RNF213: variants seen among roughly 807,000 people sequenced by gnomAD.
The protein encoded by RNF213 is E3 ubiquitin-protein ligase RNF213.
A neutral mutation model predicts 514.4 loss-of-function variants in RNF213; 341 were observed. The ratio of observed to expected loss-of-function variants is 0.66; its 90% confidence interval spans 0.61 to 0.73. RNF213 has a LOEUF of 0.73. Among genes scored for constraint, RNF213 ranks in the 30% least tolerant of loss-of-function variants. The pLI is 0.00. For synonymous variants in RNF213, 2,655 were observed against 2,658.2 expected (o/e 1.00, Z 0.04); for missense variants, 5,767 against 6,615.6 (o/e 0.87, Z 4.45).
rs1209179687 is a variant in RNF213, at chr17:80,306,352, G to A, written c.2311G>A (p.Val771Ile). 6.2e-7 allele frequency: 1 copy of A among 1,614,130 alleles called. No homozygotes were observed. Among genetic ancestry groups the A allele is most frequent in the East Asian group, 2.2e-5 (1 of 44,874 alleles). ...WFSLLPLSHL[V>I]MYMENFIEHL... is the part of the protein sequence containing the mutation. ...TAGTCTGCTACCTCTGAGTCACCTG[G>A]TTATGTATATGGAAAACTTCATTGA... Residue 771 changes from valine to isoleucine, a missense_variant, in exon 12 of 68, where the codon GTT becomes ATT. Val to Ile is a conservative substitution (Grantham distance 29). Transcript: ENST00000582970.
rs753695705 is a variant in RNF213, at chr17:80,346,389, T to C, written c.8054T>C (p.Leu2685Ser). The change falls in exon 29 of 68, where the codon TTG becomes TCG. Residue 2685 changes from leucine to serine, a missense_variant. Around this residue, in one of 13 missense-constraint regions of RNF213, gnomAD observed 1,377 missense variants for 1,635.2 expected, o/e 0.84. Transcript: ENST00000582970. This position sits in a 1 kb window ranked among gnomAD's most constrained non-coding sequence, Gnocchi z 8.1. ...GAGAGAGATCCCGTCCTCTGGTCGTTGATGCTGGCCATCGGGGTGTGTTAC... is the reference window on the plus strand; with the variant it reads ...GAGAGAGATCCCGTCCTCTGGTCGTCGATGCTGGCCATCGGGGTGTGTTAC... ...HTERDPVLWS[L>S]MLAIGVCYHA... is the part of the protein sequence containing the mutation. 14 of 1,613,218 alleles carry C rather than the reference T, an allele frequency of 8.7e-6. No homozygotes were observed. Among genetic ancestry groups the C allele is most frequent in the Non-Finnish European group, 1.2e-5 (14 of 1,179,998 alleles).
rs2144229112 is a variant in RNF213 at position 80,353,462 on chromosome 17, C to T, written c.10424-50C>T. The T allele has an allele frequency of 6.4e-7, 1 of 1,565,048 alleles. No individual in the cohort carries two copies. The highest frequency in any genetic ancestry group is 1.4e-5 in the African/African-American group (1 of 73,938). On this transcript the variant is annotated intron_variant, in intron 33 of 67. Coordinates refer to ENST00000582970, the MANE Select transcript of RNF213 (RefSeq NM_001256071.3). The surrounding 1 kb of genome is among the most constrained non-coding windows in gnomAD (Gnocchi z 5.0). ...CTCCCAGATGGCACCGCTGCCAGTC[C>T]CTGTGCCACCTTCTGAGTGGTAACG... is the stretch of plus-strand genomic sequence containing the variant.
Position 80,331,390 on chromosome 17 carries a change from CTTTTTTT to C in RNF213, c.3518-606_3518-600del, listed in dbSNP as rs35912728. ...TCCTCCTGTCCTTGTCAGTTTATGA[CTTTTTTT>C]TTTTTTTTTGATATGGAGTCTCACT... On this transcript the variant is annotated intron_variant, in intron 20 of 67. Transcript: ENST00000582970. 3.4e-4 allele frequency among the ~76,000 whole-genome samples: 47 copies of C among 136,344 alleles called. No homozygotes were observed. In the East Asian group the frequency reaches 6.2e-3, roughly 18 times the overall value. 89.4% of individuals were successfully genotyped at this position (136,344 alleles called of 152,430 possible).
chr17:80,382,958 A>G (rs1167820793), intron 57 of RNF213, 21 bp from the exon 58 acceptor site: 3 of 1,536,182 alleles, frequency 2.0e-6, no homozygotes, highest in Non-Finnish European at 9.0e-7. Context: ...GGTAACCTAC[A>G]CATTTGGAGT....
intron 48 of RNF213, 53 bp from the exon 49 acceptor site, chr17:80,372,922 A>G: frequency 6.4e-7 from 1 of 1,572,882 alleles, no homozygotes; most frequent in South Asian, 1.1e-5. Context: ...TGTGTCCTAC[A>G]ATAAATGCCC....
chr17:80,276,680 G>A (rs1398135070), intron 3 of RNF213, among the ~76,000 whole-genome samples: 1 of 152,016 alleles, frequency 6.6e-6, no homozygotes, highest in African/African-American at 2.4e-5. Flanking sequence ...AATTGGAAGT[G>A]TTGTACAGTG....
At chr17:80,388,861 G>A in intron 64 of RNF213, 172 bp downstream of exon 64, 1 of 675,468 alleles carries the variant, frequency 1.5e-6, no homozygotes, top group Non-Finnish European at 2.7e-6. Context: ...TTTTCTTGTA[G>A]AGTAAAAGCA....
At position 80,347,203 on chromosome 17, in the gene RNF213, C is replaced by T. The variant is rs776039765; in HGVS notation, c.8868C>T (p.Tyr2956=). 1.5e-5 allele frequency: 24 copies of T among 1,613,530 alleles called. No individual in the cohort carries two copies. The highest frequency in any genetic ancestry group is 1.9e-5 in the Non-Finnish European group (22 of 1,179,900). ...AGGAATTCTTCGGGCTTCGTGACTACTACAGCCTCATCAAAATGGTCTTTG... is the reference window on the plus strand; with the variant it reads ...AGGAATTCTTCGGGCTTCGTGACTATTACAGCCTCATCAAAATGGTCTTTG... ...QDKEFFGLRD[Y]YSLIKMVFAA... Residue 2956 remains tyrosine, a synonymous_variant, in exon 29 of 68, where the codon TAC becomes TAT. Transcript: ENST00000582970. This position sits in a 1 kb window ranked among gnomAD's most constrained non-coding sequence, Gnocchi z 7.2.
intron 54 of RNF213, 63 bp from the exon 55 acceptor site, chr17:80,379,557 T>C (rs765587374): frequency 1.1e-5 from 16 of 1,417,928 alleles, no homozygotes; most frequent in South Asian, 2.3e-5. Context: ...ATTTGCATGA[T>C]GGCATTTGTG....
Position 80,347,435 on chromosome 17 carries a change from C to T in RNF213, c.9100C>T (p.Gln3034Ter). 3 of 1,614,026 alleles carry T rather than the reference C, an allele frequency of 1.9e-6. No homozygotes were observed. The South Asian group carries it at 3.3e-5, about 18-fold the overall frequency. Reference sequence around the variant, plus strand: ...TTCTCAGAAGGTGCCGGGTGGAGAGCAGGAAGATGCTGAGTCCCGCTACTT... The same window carrying T: ...TTCTCAGAAGGTGCCGGGTGGAGAGTAGGAAGATGCTGAGTCCCGCTACTT... ...GPSQKVPGGEQEDAESRYLLV... is the reference protein window; with the variant it reads ...GPSQKVPGGE Residue 3034 changes from glutamine (Q) to a stop codon, truncating the protein, a stop_gained, in exon 29 of 68, where the codon CAG becomes TAG. Coordinates refer to ENST00000582970, the MANE Select transcript of RNF213 (RefSeq NM_001256071.3). LOFTEE classifies it high-confidence loss of function. This position sits in a 1 kb window ranked among gnomAD's most constrained non-coding sequence, Gnocchi z 7.2.
rs1207744188 is a variant in RNF213 at position 80,288,399 on chromosome 17, C to T, written c.810+36C>T. ...CGGGAGAGATGGCCTGGGAGTGGCA[C>T]TGAGCCCTCGGCACCTGGGCTCTGC... On this transcript the variant is annotated intron_variant, in intron 4 of 67. Transcript: ENST00000582970. This position sits in a 1 kb window ranked among gnomAD's most constrained non-coding sequence, Gnocchi z 4.9. The T allele has an allele frequency of 6.2e-7, 1 of 1,609,244 alleles. No homozygotes were observed. Among genetic ancestry groups the T allele is most frequent in the Admixed American group, 1.7e-5 (1 of 60,004 alleles).
chr17:80,284,706 C>T (rs1375908360), intron 3 of RNF213, among the ~76,000 whole-genome samples: 10 of 148,720 alleles, frequency 6.7e-5, no homozygotes, highest in South Asian at 4.4e-4. Flanking sequence ...CTCTGCCTTC[C>T]GGACGGCTCC....
In RNF213 at chr17:80,372,650, G is replaced by A. The variant is rs754910625; in HGVS notation, c.12667G>A (p.Val4223Ile). ...CCGAGAGCCTGCCAACGAGGCCTCG[G>A]TTGAATACCTGCAAGAGGTGGCCCG... ...RGREPANEASVEYLQEVARIR... is the reference protein window; with the variant it reads ...RGREPANEASIEYLQEVARIR... Residue 4223 changes from valine to isoleucine, a missense_variant, in exon 48 of 68, where the codon GTT (valine) becomes ATT (isoleucine). Coordinates refer to ENST00000582970, the MANE Select transcript of RNF213 (RefSeq NM_001256071.3). 3.7e-6 allele frequency: 6 copies of A among 1,613,942 alleles called. No individual in the cohort carries two copies. Among genetic ancestry groups the A allele is most frequent in the South Asian group, 1.1e-5 (1 of 91,074 alleles).
rs748337407 is a variant in RNF213, at chr17:80,348,289, G to T, written c.9951+3G>T. On this transcript the variant is annotated splice_donor_region_variant and intron_variant, in intron 29 of 67. Coordinates refer to ENST00000582970, the MANE Select transcript of RNF213 (RefSeq NM_001256071.3). ...AGCGCCACGCCATCTTCACAGAGGT[G>T]ATTGTCTTTCTGCACTTGTACCCTA... is the stretch of plus-strand genomic sequence containing the variant. 49 of 1,611,160 alleles carry T rather than the reference G, an allele frequency of 3.0e-5. 2 individuals carry two copies. The Middle Eastern group carries it at 4.1e-3, about 134-fold the overall frequency.
At chr17:80,310,101 C>T (rs961870112) in intron 14 of RNF213, among the ~76,000 whole-genome samples, 6 of 151,944 alleles carry the variant, frequency 3.9e-5, no homozygotes, top group African/African-American at 1.5e-4. Flanking sequence ...TTTCTGCCTC[C>T]GACTTTCCCC....
In RNF213 at chr17:80,317,427, C is replaced by A; in HGVS notation, c.2901+150C>A. The A allele has an allele frequency of 1.3e-6, 1 of 759,918 alleles. No homozygotes were observed. The highest frequency in any genetic ancestry group is 2.3e-6 in the Non-Finnish European group (1 of 430,332). 47.1% of individuals were successfully genotyped at this position (759,918 alleles called of 1,614,324 possible). On this transcript the variant is annotated intron_variant, in intron 16 of 67. Transcript: ENST00000582970. The surrounding 1 kb of genome is among the most constrained non-coding windows in gnomAD (Gnocchi z 4.1). The stretch of plus-strand genomic sequence containing the variant: ...CTCCGTGTTTCTGTTTCTGATCCAG[C>A]CCTTATAGTCTGTCCCTAGAAGAGC...
At chr17:80,364,718 A>G in intron 42 of RNF213, 165 bp downstream of exon 42, 1 of 770,592 alleles carries the variant, frequency 1.3e-6, no homozygotes, top group Non-Finnish European at 2.1e-6. Context: ...TACATTTTCC[A>G]TGTTTAATTG....
At chr17:80,284,632 GAC>G (rs2044408244) in intron 3 of RNF213, among the ~76,000 whole-genome samples, 1 of 152,138 alleles carries the variant, frequency 6.6e-6, no homozygotes, top group Admixed American at 6.6e-5. Flanking sequence ...GTTTATTATG[GAC>G]ACACCTGATG....
intron 3 of RNF213, among the ~76,000 whole-genome samples, chr17:80,281,925 C>T (rs1056728228): frequency 1.2e-4 from 19 of 152,094 alleles, no homozygotes; most frequent in African/African-American, 4.3e-4. Flanking sequence ...GGCGTGATCT[C>T]GGCTCCCTGC....
Sources: allele counts gnomAD v4.1 joint callset (sites outside exome capture counted in the v4.1 genomes callset), GRCh38; gene constraint gnomAD v4.1.1; regional missense constraint gnomAD v4.1.1; non-coding constraint Gnocchi (gnomAD v3.1); transcripts MANE v1.5; gene names NCBI Gene and HGNC (gene_info 2026-07-23, HGNC 2026-07-21).